Variants in TCF20 observed in about 807,000 individuals in gnomAD.
TCF20 encodes transcription factor 20, also known as SPRE-binding protein.
In TCF20, 3 loss-of-function variants were observed where a neutral mutation model predicts 148.6. The observed-to-expected ratio is 0.02, with a 90% confidence interval of 0.01 to 0.05. TCF20 has a LOEUF of 0.05. TCF20 is among the 10% of genes least tolerant of loss of function. TCF20 has a pLI of 1.00. For synonymous variants in TCF20, 1,049 were observed against 909.5 expected, an observed-to-expected ratio of 1.15 and a Z score of -2.76; for missense variants, 2,350 against 2,429.3, an observed-to-expected ratio of 0.97 and a Z score of 0.69.
At chr22:42,300,491 G>C (rs1050040829) in intron 1 of TCF20, among the ~76,000 whole-genome samples, 6 of 152,168 alleles carry the variant, frequency 3.9e-5, no homozygotes, top group Non-Finnish European at 8.8e-5. Flanking sequence ...GGGCAGCAAC[G>C]CTTTTGTTTC....
Position 42,211,882 on chromosome 22 carries a change from C to A in TCF20, c.3424G>T (p.Gly1142Cys). The A allele has an allele frequency of 6.2e-7, 1 of 1,614,130 alleles. No individual in the cohort carries two copies. Among genetic ancestry groups the A allele is most frequent in the South Asian group, 1.1e-5 (1 of 91,076 alleles). Residue 1142 changes from glycine (G) to cysteine (C), a missense_variant, in exon 2 of 6, where the codon GGT becomes TGT. Around this residue, in one of 7 missense-constraint regions of TCF20, gnomAD observed 1,641 missense variants for 1,662.6 expected, o/e 0.99. Coordinates refer to ENST00000677622, the MANE Select transcript of TCF20 (RefSeq NM_001378418.1). ...VRSPLKNDKD[G>C]MMYGPPVGTY... is the part of the protein sequence containing the mutation. ...CCCACTGGTGGGCCATACATCATAC[C>A]ATCTTTGTCATTTTTCAGAGGGCTC...
At chr22:42,244,729 G>A (rs916786918) in intron 1 of TCF20, among the ~76,000 whole-genome samples, 8 of 152,124 alleles carry the variant, frequency 5.3e-5, no homozygotes, top group African/African-American at 1.9e-4. Context: ...TGCAGCAAAC[G>A]CCACTCGAGT....
rs1376332608 is a variant in TCF20 at position 42,194,522 on chromosome 22, T to G, written c.5656-14820A>C. Among the ~76,000 whole-genome samples the G allele has an allele frequency of 8.0e-5, 12 of 150,144 alleles. No individual in the cohort carries two copies. The Admixed American group carries it at 8.0e-4, about 10-fold the overall frequency. On this transcript the variant is annotated intron_variant, in intron 2 of 5. Transcript: ENST00000677622. Reference sequence around the variant, plus strand: ...TTATCCCTGTCCTGATGTACCCTAGTGAAGGAACAAGTTGTCACTTGGCCC... The same window carrying G: ...TTATCCCTGTCCTGATGTACCCTAGGGAAGGAACAAGTTGTCACTTGGCCC...
chr22:42,295,228 G>A (rs1927210095), intron 1 of TCF20, among the ~76,000 whole-genome samples: 1 of 152,124 alleles, frequency 6.6e-6, no homozygotes. Flanking sequence ...GAAGCATACA[G>A]CTGCCCCTGC....
intron 1 of TCF20, among the ~76,000 whole-genome samples, chr22:42,237,253 T>C (rs1423770843): frequency 1.3e-5 from 2 of 152,240 alleles, no homozygotes; most frequent in Non-Finnish European, 2.9e-5. Flanking sequence ...ATTTCAACAA[T>C]GTTCACAGCA....
intron 1 of TCF20, among the ~76,000 whole-genome samples, chr22:42,333,147 C>G (rs1253425139): frequency 2.6e-5 from 4 of 152,270 alleles, no homozygotes; most frequent in Non-Finnish European, 5.9e-5. Context: ...ATGGCAGGAG[C>G]TGCCCCACTG....
At chr22:42,307,465 T>C (rs1927456020) in intron 1 of TCF20, among the ~76,000 whole-genome samples, 1 of 152,232 alleles carries the variant, frequency 6.6e-6, no homozygotes, top group South Asian at 2.1e-4. Context: ...CGCTGATCCC[T>C]AGCTCCCTCT....
At chr22:42,225,536 C>A (rs1394008499) in intron 1 of TCF20, among the ~76,000 whole-genome samples, 1 of 150,430 alleles carries the variant, frequency 6.6e-6, no homozygotes. Context: ...ATGGCGTGAA[C>A]CCGGGAGGCG....
intron 1 of TCF20, among the ~76,000 whole-genome samples, chr22:42,316,800 T>C (rs1187373276): frequency 6.6e-6 from 1 of 152,172 alleles, no homozygotes; most frequent in Non-Finnish European, 1.5e-5. Context: ...GGGCCATCGA[T>C]AGCTCCCACC....
intron 2 of TCF20, among the ~76,000 whole-genome samples, chr22:42,191,480 G>A (rs965715441): frequency 6.6e-6 from 1 of 151,986 alleles, no homozygotes; most frequent in Admixed American, 6.6e-5. Context: ...GTAGAGACGG[G>A]GTTTCACCAT....
chr22:42,214,055 T>G lies in TCF20; in HGVS notation c.1251A>C (p.Gln417His). ...GCATCATTGATGGGGTTGGACTGAG[T>G]TGAGGCATTAACTGTAAAATTCTGT... ...SRNRILQLMP[Q>H]LSPTPSMMPS... The change falls in exon 2 of 6, where the codon CAA becomes CAC. Residue 417 changes from glutamine to histidine, a missense_variant. This residue lies in a region of TCF20 where 1,641 missense variants were observed against 1,662.6 expected (regional missense o/e 0.99). Transcript: ENST00000677622. 1 of 1,614,168 alleles carries G rather than the reference T, an allele frequency of 6.2e-7. No homozygotes were observed. The highest frequency in any genetic ancestry group is 2.2e-5 in the East Asian group (1 of 44,882).
At chr22:42,293,323 A>T (rs191426795) in intron 1 of TCF20, among the ~76,000 whole-genome samples, 2 of 152,316 alleles carry the variant, frequency 1.3e-5, no homozygotes, top group East Asian at 3.9e-4. Flanking sequence ...TATTGTCCCT[A>T]GGTGGGTGCC....
At chr22:42,284,187 T>G (rs1342106068), upstream of TCF20, among the ~76,000 whole-genome samples, 1 of 150,400 alleles carries the variant, frequency 6.6e-6, no homozygotes, top group Non-Finnish European at 1.5e-5. Flanking sequence ...GGAGAGCGCG[T>G]GCCAGCGTGG....
At chr22:42,190,288 G>A (rs2147126326) in intron 2 of TCF20, among the ~76,000 whole-genome samples, 1 of 152,264 alleles carries the variant, frequency 6.6e-6, no homozygotes, top group South Asian at 2.1e-4. Context: ...GAAAGGCCCT[G>A]TCTCTACAAA....
intron 2 of TCF20, among the ~76,000 whole-genome samples, chr22:42,190,075 TCAA>T (rs569116010): frequency 8.5e-5 from 13 of 152,054 alleles, no homozygotes; most frequent in Non-Finnish European, 1.8e-4. Context: ...CTTGATTTTC[TCAA>T]CAATACATTG....
At chr22:42,175,373 G>A (rs113124159) in intron 3 of TCF20, among the ~76,000 whole-genome samples, 17 of 151,976 alleles carry the variant, frequency 1.1e-4, no homozygotes, top group African/African-American at 3.1e-4. Flanking sequence ...ACAGAGTCTC[G>A]CTCTGTTGCC....
intron 1 of TCF20, among the ~76,000 whole-genome samples, chr22:42,318,818 T>C (rs1927681529): frequency 6.6e-6 from 1 of 152,098 alleles, no homozygotes; most frequent in Non-Finnish European, 1.5e-5. Flanking sequence ...GGTCCCAGTA[T>C]GGGGGTGGGG....
chr22:42,330,392 C>G (rs1055802847), intron 1 of TCF20, among the ~76,000 whole-genome samples: 3 of 152,188 alleles, frequency 2.0e-5, no homozygotes, highest in Non-Finnish European at 2.9e-5. Context: ...CCTTCCCCCC[C>G]ACCTCAGGGC....
rs147511213 is a variant in TCF20 at position 42,313,042 on chromosome 22, G to A, written c.-37+30437C>T. On this transcript the variant is annotated intron_variant, in intron 1 of 1. Coordinates refer to the TCF20 transcript ENST00000515426. The stretch of plus-strand genomic sequence containing the variant: ...CTTCCCAGCTCAGGCTCCCCAGCCT[G>A]AGTCACACCATCACCATACTGTGGA... Among the ~76,000 whole-genome samples, 133 of 152,290 alleles carry A rather than the reference G, an allele frequency of 8.7e-4. 1 individual carries two copies. Among genetic ancestry groups the A allele is most frequent in the African/African-American group, 2.8e-3 (116 of 41,560 alleles).
Sources: gnomAD v4.1 joint callset for allele counts (sites outside exome capture counted in the v4.1 genomes callset) on GRCh38, gnomAD v4.1.1 for gene constraint, gnomAD v4.1.1 regional missense constraint, MANE v1.5 for transcripts, NCBI Gene and HGNC (gene_info 2026-07-23, HGNC 2026-07-21) for gene names.